The following MACF1 variants were observed in gnomAD, a reference collection of about 807,000 sequenced individuals.
MACF1 encodes the protein microtubule actin crosslinking factor 1.
In MACF1, 193 loss-of-function variants were observed where a neutral mutation model predicts 854.8. The ratio of observed to expected loss-of-function variants is 0.23; its 90% CI spans 0.20 to 0.25. The LOEUF (loss-of-function observed/expected upper bound fraction) is 0.25. Ranked by LOEUF, MACF1 falls within the 10% of genes least tolerant of loss-of-function variation. MACF1 has a pLI of 1.00. For synonymous variants in MACF1, 3,185 were observed against 3,226.7 expected, an observed-to-expected ratio of 0.99 and a Z score of 0.44; for missense variants, 7,722 against 8,929.1, an observed-to-expected ratio of 0.86 and a Z score of 5.45.
intron 2 of MACF1, among the ~76,000 whole-genome samples, chr1:39,178,874 C>G (rs1315076454): frequency 6.6e-6 from 1 of 152,120 alleles, no homozygotes; most frequent in African/African-American, 2.4e-5. Flanking sequence ...AGACTTAATG[C>G]GTATTGAAAG....
chr1:39,266,594 CTTTTTTTTTTTT>C (rs11406070), intron 6 of MACF1, among the ~76,000 whole-genome samples: 4 of 58,126 alleles, frequency 6.9e-5, no homozygotes, highest in Admixed American at 2.6e-4. Flanking sequence ...TGGTCTTTTC[CTTTTTTTTTTTT>C]TTTTTTTTTT....
At chr1:39,350,239 A>G (rs1169859991) in intron 42 of MACF1, among the ~76,000 whole-genome samples, 1 of 152,210 alleles carries the variant, frequency 6.6e-6, no homozygotes, top group Non-Finnish European at 1.5e-5. Flanking sequence ...AGGAGGAGGA[A>G]GAGAACATAC....
intron 2 of MACF1, among the ~76,000 whole-genome samples, chr1:39,139,599 G>T (rs1016425222): frequency 6.6e-6 from 1 of 151,384 alleles, no homozygotes; most frequent in Non-Finnish European, 1.5e-5. Flanking sequence ...CTGCTTTCAT[G>T]CCTTTGCTCA....
In MACF1 at chr1:39,420,747, C is replaced by T. The variant is rs1643502472; in HGVS notation, c.15817-1627C>T. On this transcript the variant is annotated intron_variant, in intron 58 of 100. Coordinates refer to ENST00000564288, the MANE Select transcript of MACF1 (RefSeq NM_001394062.1). ...ATTTATTTTTGTCCTCTTCCATTTT[C>T]TGTCATCCTCTGGCCTTAATTGACT... is the stretch of plus-strand genomic sequence containing the variant. 3.3e-5 allele frequency among the ~76,000 whole-genome samples: 5 copies of T among 152,034 alleles called. No homozygotes were observed. The South Asian group carries it at 1.0e-3, about 31-fold the overall frequency.
Position 39,452,253 on chromosome 1 carries a change from G to T in MACF1, c.20516G>T (p.Trp6839Leu). The T allele has an allele frequency of 6.2e-7, 1 of 1,614,180 alleles. No homozygotes were observed. The highest frequency in any genetic ancestry group is 8.5e-7 in the Non-Finnish European group (1 of 1,180,028). The change falls in exon 86 of 101, where the codon TGG becomes TTG. Residue 6839 changes from tryptophan to leucine, a missense_variant. Physicochemically the swap from Trp to Leu is moderately conservative, Grantham distance 61. Coordinates refer to ENST00000564288, the MANE Select transcript of MACF1 (RefSeq NM_001394062.1). The stretch of plus-strand genomic sequence containing the variant: ...GAGAATAGTCGAGATGACACCACTT[G>T]GGTAAAAGGACAGCTCCAGGAACTG... ...LIENSRDDTT[W>L]VKGQLQELST...
At position 39,414,347 on chromosome 1, in the gene MACF1, A is replaced by C. The variant is rs78342613; in HGVS notation, c.15817-8027A>C. The C allele has an allele frequency of 6.0e-3, 9,710 of 1,613,980 alleles. 37 individuals are homozygous for C. Among genetic ancestry groups the C allele is most frequent in the Non-Finnish European group, 7.1e-3 (8,362 of 1,179,850 alleles). ...GAAGAAGGAACACCTGTTCTAGAGGAGGCTTCCTCCACTGGAATGTGGATC... is the reference window on the plus strand; with the variant it reads ...GAAGAAGGAACACCTGTTCTAGAGGCGGCTTCCTCCACTGGAATGTGGATC... On this transcript the variant is annotated intron_variant, in intron 58 of 100. Transcript: ENST00000564288.
intron 55 of MACF1, among the ~76,000 whole-genome samples, chr1:39,381,380 G>A (rs866513644): frequency 1.5e-5 from 2 of 131,628 alleles, no homozygotes; most frequent in South Asian, 4.8e-4. Flanking sequence ...TTTTTTTTTG[G>A]GGGGGGGGAC....
In MACF1 at chr1:39,357,691, C is replaced by T. The variant is rs148847012; in HGVS notation, c.11741C>T (p.Pro3914Leu). ...HKGGSSPETL[P>L]SLLKRQGSFS... ...GGAGGCAGCAGCCCCGAGACCCTTC[C>T]CTCCCTGCTAAAGCGGCAAGGAAGC... The change falls in exon 45 of 101, where the codon CCC becomes CTC. Residue 3914 changes from proline (P) to leucine (L), a missense_variant. Pro to Leu is a moderately conservative substitution (Grantham distance 98, BLOSUM62 -3). Around this residue, in one of 15 missense-constraint regions of MACF1, gnomAD observed 2,807 missense variants for 3,235.8 expected, o/e 0.87. Transcript: ENST00000564288. The T allele has an allele frequency of 2.5e-4, 405 of 1,613,982 alleles. No homozygotes were observed. The highest frequency in any genetic ancestry group is 3.3e-4 in the Non-Finnish European group (388 of 1,180,032).
In MACF1 at chr1:39,331,478, C is replaced by T. The variant is rs772338888; in HGVS notation, c.4890C>T (p.Gly1630=). ...TAAGCAGGCTTACTGAGAGCAGAGGCCCTCTTTCTGTGGTGGAAGCAATTG... is the reference window on the plus strand; with the variant it reads ...TAAGCAGGCTTACTGAGAGCAGAGGTCCTCTTTCTGTGGTGGAAGCAATTG... ...ALISRLTESR[G]PLSVVEAIEK... Residue 1630 remains glycine (G), a synonymous_variant, in exon 37 of 101, where the codon GGC becomes GGT. Transcript: ENST00000564288. 29 of 1,613,978 alleles carry T rather than the reference C, an allele frequency of 1.8e-5. No homozygotes were observed. Among genetic ancestry groups the T allele is most frequent in the Non-Finnish European group, 6.8e-6 (8 of 1,180,026 alleles).
chr1:39,205,889 A>C (rs1280745093), intron 1 of MACF1, among the ~76,000 whole-genome samples: 1 of 152,052 alleles, frequency 6.6e-6, no homozygotes, highest in Non-Finnish European at 1.5e-5. Context: ...CAGAGCAGGG[A>C]TCAGCCCTGA....
In MACF1 at chr1:39,447,496, A is replaced by T; in HGVS notation, c.19670A>T (p.Asn6557Ile). 1 of 1,614,130 alleles carries T rather than the reference A, an allele frequency of 6.2e-7. No individual in the cohort carries two copies. The highest frequency in any genetic ancestry group is 8.5e-7 in the Non-Finnish European group (1 of 1,179,996). The part of the protein sequence containing the change: ...EFQNSLQEFI[N>I]WLTLAEQSLN... ...CAGAATTCCCTACAAGAATTTATCA[A>T]CTGGCTCACTCTAGCAGAGCAGAGT... Residue 6557 changes from asparagine to isoleucine, a missense_variant, in exon 81 of 101, where the codon AAC becomes ATC. Asn to Ile is a moderately radical substitution (Grantham distance 149). This residue lies in a region of MACF1 where 729 missense variants were observed against 900.5 expected (regional missense o/e 0.81). Transcript: ENST00000564288.
At chr1:39,446,103 T>A (rs1196472277) in intron 80 of MACF1, among the ~76,000 whole-genome samples, 1 of 152,226 alleles carries the variant, frequency 6.6e-6, no homozygotes, top group African/African-American at 2.4e-5. Flanking sequence ...GCAAAATACC[T>A]TAAGACATAG....
chr1:39,288,012 C>T (rs917394228), intron 15 of MACF1, among the ~76,000 whole-genome samples: 1 of 151,274 alleles, frequency 6.6e-6, no homozygotes, highest in Non-Finnish European at 1.5e-5. Context: ...CATCTGTTAC[C>T]TTTTTTTTTA....
At chr1:39,326,061 G>A (rs1646603747) in intron 35 of MACF1, among the ~76,000 whole-genome samples, 1 of 152,158 alleles carries the variant, frequency 6.6e-6, no homozygotes, top group Non-Finnish European at 1.5e-5. Context: ...AGTGGAGAGT[G>A]CAAGGATAAT....
At chr1:39,466,857 T>C (rs1644679577) in intron 95 of MACF1, among the ~76,000 whole-genome samples, 1 of 152,240 alleles carries the variant, frequency 6.6e-6, no homozygotes, top group South Asian at 2.1e-4. Flanking sequence ...TGGGACTTCT[T>C]TTATTTTCAA....
intron 1 of MACF1, among the ~76,000 whole-genome samples, chr1:39,215,805 G>A (rs1644569995): frequency 6.6e-6 from 1 of 151,364 alleles, no homozygotes; most frequent in African/African-American, 2.4e-5. Flanking sequence ...AGACTGGCGG[G>A]AGGATGGGGG....
intron 34 of MACF1, 59 bp from the exon 35 acceptor site, chr1:39,324,587 A>G (rs944121225): frequency 7.2e-7 from 1 of 1,388,972 alleles, no homozygotes; most frequent in Non-Finnish European, 9.9e-7. Flanking sequence ...AATTTTAAAT[A>G]ATTTTTGACT....
chr1:39,110,825 T>C (rs1288986676), intron 2 of MACF1, among the ~76,000 whole-genome samples: 1 of 152,194 alleles, frequency 6.6e-6, no homozygotes, highest in Non-Finnish European at 1.5e-5. Flanking sequence ...GTAAGCCTAT[T>C]ATACTGGTAT....
At chr1:39,392,765 A>T (rs1642083546) in intron 58 of MACF1, among the ~76,000 whole-genome samples, 1 of 152,184 alleles carries the variant, frequency 6.6e-6, no homozygotes, top group African/African-American at 2.4e-5. Flanking sequence ...ACTAAAATAC[A>T]TTATTCCTAG....
Sources: gnomAD v4.1 joint callset for allele counts (sites outside exome capture counted in the v4.1 genomes callset) on GRCh38, gnomAD v4.1.1 for gene constraint, gnomAD v4.1.1 regional missense constraint, MANE v1.5 for transcripts, NCBI Gene and HGNC (gene_info 2026-07-23, HGNC 2026-07-21) for gene names.